The following GRM3 variants were observed in gnomAD, a reference collection of about 807,000 sequenced individuals.
GRM3 encodes the protein glutamate metabotropic receptor 3, also known as metabotropic glutamate receptor 3.
In GRM3, 26 loss-of-function variants were observed where a neutral mutation model predicts 70.5. That is an observed-to-expected ratio of 0.37 (90% confidence interval 0.27 to 0.51). GRM3 has a LOEUF of 0.51. Ranked by LOEUF, GRM3 falls within the 20% of genes least tolerant of loss-of-function variation. GRM3 has a pLI of 0.93. For missense variants in GRM3, 859 were observed against 1,123.8 expected (o/e 0.76, Z 3.37); for synonymous variants, 443 against 434.9 (o/e 1.02, Z -0.23).
intron 1 of GRM3, among the ~76,000 whole-genome samples, chr7:86,668,137 A>G (rs1409376086): frequency 6.6e-6 from 1 of 152,088 alleles, no homozygotes; most frequent in Non-Finnish European, 1.5e-5. Flanking sequence ...TGTTTTGTGT[A>G]TCTTCATTAT....
intron 2 of GRM3, among the ~76,000 whole-genome samples, chr7:86,769,394 C>T (rs750366512): frequency 5.9e-5 from 9 of 152,096 alleles, no homozygotes; most frequent in Non-Finnish European, 8.8e-5. Flanking sequence ...TTTTCCATTG[C>T]AAATTGCCTG....
intron 1 of GRM3, among the ~76,000 whole-genome samples, chr7:86,751,883 T>C (rs933425888): frequency 6.6e-6 from 1 of 152,138 alleles, no homozygotes; most frequent in African/African-American, 2.4e-5. Flanking sequence ...GTGCTGTTAG[T>C]AAGCCCACAG....
chr7:86,733,909 ATAC>A (rs1795797309), intron 1 of GRM3, among the ~76,000 whole-genome samples: 1 of 152,200 alleles, frequency 6.6e-6, no homozygotes, highest in Non-Finnish European at 1.5e-5. Context: ...TGATCATCTA[ATAC>A]TCCTCAAGTG....
At chr7:86,808,340 C>A (rs1224806069) in intron 3 of GRM3, among the ~76,000 whole-genome samples, 1 of 152,044 alleles carries the variant, frequency 6.6e-6, no homozygotes, top group East Asian at 1.9e-4. Flanking sequence ...CCTCTTTGTA[C>A]CTCTGGTAGA....
chr7:86,814,203 G>A (rs2116664803), intron 3 of GRM3, among the ~76,000 whole-genome samples: 1 of 151,812 alleles, frequency 6.6e-6, no homozygotes, highest in Non-Finnish European at 1.5e-5. Context: ...CTCCAGTGAT[G>A]GATTTGAAAA....
chr7:86,864,049 T>G (rs1183636732), intron 5 of GRM3, among the ~76,000 whole-genome samples: 2 of 149,418 alleles, frequency 1.3e-5, no homozygotes, highest in Non-Finnish European at 2.9e-5. Context: ...CATGGGTTTT[T>G]GGGGAATAGA....
intron 1 of GRM3, among the ~76,000 whole-genome samples, chr7:86,726,781 T>C (rs1795603154): frequency 6.6e-6 from 1 of 152,236 alleles, no homozygotes; most frequent in South Asian, 2.1e-4. Flanking sequence ...AATCTGAGAA[T>C]CTATTGCCAA....
chr7:86,679,404 G>GA (rs1264073337), intron 1 of GRM3, among the ~76,000 whole-genome samples: 2 of 151,880 alleles, frequency 1.3e-5, no homozygotes, highest in African/African-American at 2.4e-5. Flanking sequence ...TTCCTGTGGG[G>GA]AAAAAAGACC....
chr7:86,759,403 A>T (rs1796425267), intron 1 of GRM3, among the ~76,000 whole-genome samples: 1 of 152,162 alleles, frequency 6.6e-6, no homozygotes. Context: ...AAAATGACAG[A>T]TCTTTTTAGC....
intron 2 of GRM3, among the ~76,000 whole-genome samples, chr7:86,770,237 C>T (rs1224400637): frequency 6.6e-6 from 1 of 152,068 alleles, no homozygotes; most frequent in African/African-American, 2.4e-5. Flanking sequence ...ATTGTTTTGT[C>T]CCTGAGTGTT....
intron 2 of GRM3, among the ~76,000 whole-genome samples, chr7:86,765,873 T>C (rs1796589160): frequency 6.6e-6 from 1 of 152,130 alleles, no homozygotes; most frequent in Non-Finnish European, 1.5e-5. Flanking sequence ...ATAAGAATAT[T>C]ATTTATTAGT....
At chr7:86,699,773 T>C (rs1794907778) in intron 1 of GRM3, among the ~76,000 whole-genome samples, 1 of 152,010 alleles carries the variant, frequency 6.6e-6, no homozygotes, top group Non-Finnish European at 1.5e-5. Context: ...GAAAGTTCAT[T>C]GCAGAGAAAA....
chr7:86,759,907 G>A (rs1796438188), intron 1 of GRM3, among the ~76,000 whole-genome samples: 1 of 152,122 alleles, frequency 6.6e-6, no homozygotes, highest in South Asian at 2.1e-4. Context: ...TGCCAATATA[G>A]CTACAGCGTC....
intron 1 of GRM3, among the ~76,000 whole-genome samples, chr7:86,714,321 A>G (rs923273606): frequency 1.3e-5 from 2 of 152,000 alleles, no homozygotes; most frequent in African/African-American, 4.8e-5. Flanking sequence ...TGTGCTACGT[A>G]AACCTTGCCT....
chr7:86,666,015 AT>A (rs1794015995), intron 1 of GRM3, among the ~76,000 whole-genome samples: 1 of 152,076 alleles, frequency 6.6e-6, no homozygotes. Context: ...TATCTAAATT[AT>A]ATTGTAATCA....
At chr7:86,735,475 T>A in intron 1 of GRM3, among the ~76,000 whole-genome samples, 1 of 152,224 alleles carries the variant, frequency 6.6e-6, no homozygotes, top group Non-Finnish European at 1.5e-5. Flanking sequence ...TCTCCATTGT[T>A]AAATATTTGC....
chr7:86,841,300 A>G (rs1308893828), intron 4 of GRM3, among the ~76,000 whole-genome samples: 1 of 152,200 alleles, frequency 6.6e-6, no homozygotes. Context: ...GGGATGAACA[A>G]TAAAGATGAA....
At chr7:86,814,340 C>T (rs1797974591) in intron 3 of GRM3, among the ~76,000 whole-genome samples, 1 of 151,722 alleles carries the variant, frequency 6.6e-6, no homozygotes, top group Non-Finnish European at 1.5e-5. Flanking sequence ...CAGCAGTAGA[C>T]ACTGCACCAT....
chr7:86,769,488 A>G (rs1044901980), intron 2 of GRM3, among the ~76,000 whole-genome samples: 31 of 152,086 alleles, frequency 2.0e-4, no homozygotes, highest in African/African-American at 7.2e-4. Flanking sequence ...CAATCTCCCC[A>G]TTTGGGCCTG....
Sources: allele counts gnomAD v4.1 joint callset (sites outside exome capture counted in the v4.1 genomes callset), GRCh38; gene constraint gnomAD v4.1.1; transcripts MANE v1.5; gene names NCBI Gene and HGNC (gene_info 2026-07-23, HGNC 2026-07-21).